The following MTUS2 variants were observed in gnomAD, a reference collection of about 807,000 sequenced individuals.
The protein encoded by MTUS2 is microtubule associated scaffold protein 2.
Under a neutral mutation model 114.1 loss-of-function variants are expected in MTUS2, and 40 were observed. That is an observed-to-expected ratio of 0.35 (90% confidence interval 0.27 to 0.46). MTUS2 has a LOEUF of 0.46. MTUS2 is among the 20% of genes least tolerant of loss of function. The pLI is 1.00. For missense variants in MTUS2, 1,679 were observed against 1,705.4 expected (o/e 0.98, Z 0.27); for synonymous variants, 688 against 672.0 (o/e 1.02, Z -0.37).
chr13:28,912,368 A>G (rs144443382), intron 2 of MTUS2, among the ~76,000 whole-genome samples: 2,412 of 152,202 alleles, frequency 0.016, 58 homozygotes, highest in African/African-American at 0.055. Flanking sequence ...CCATTGATCT[A>G]TGTATCTATT....
At chr13:29,123,486 A>G (rs1164731724) in intron 5 of MTUS2, among the ~76,000 whole-genome samples, 1 of 152,064 alleles carries the variant, frequency 6.6e-6, no homozygotes, top group Non-Finnish European at 1.5e-5. Context: ...GGAGGCCGAG[A>G]ATAGCGGACC....
chr13:29,418,835 GACAAATCC>G (rs1875868233), intron 8 of MTUS2, among the ~76,000 whole-genome samples: 1 of 152,148 alleles, frequency 6.6e-6, no homozygotes, highest in South Asian at 2.1e-4. Flanking sequence ...GGTCTCAAGT[GACAAATCC>G]ACTCTGCCAT....
At chr13:29,122,534 A>G (rs1891353819) in intron 5 of MTUS2, among the ~76,000 whole-genome samples, 1 of 152,154 alleles carries the variant, frequency 6.6e-6, no homozygotes, top group Non-Finnish European at 1.5e-5. Context: ...CCCATGATTC[A>G]GTTACCTCTC....
chr13:29,471,053 T>A (rs775686950), intron 9 of MTUS2, among the ~76,000 whole-genome samples: 9 of 152,186 alleles, frequency 5.9e-5, no homozygotes, highest in Non-Finnish European at 1.2e-4. Context: ...TCTGAAATTT[T>A]GCTTCCTGGC....
intron 5 of MTUS2, among the ~76,000 whole-genome samples, chr13:29,109,277 T>C (rs1199706173): frequency 6.6e-6 from 1 of 152,214 alleles, no homozygotes; most frequent in Non-Finnish European, 1.5e-5. Context: ...ATCCATCACC[T>C]CACATAGTTA....
chr13:29,174,969 C>G (rs1267843120), intron 5 of MTUS2, among the ~76,000 whole-genome samples: 1 of 152,198 alleles, frequency 6.6e-6, no homozygotes. Flanking sequence ...TCAGCCTCTT[C>G]ATGCCTCAAT....
rs192787133 is a variant in MTUS2, at chr13:29,050,585, G to A, written c.2446+16460G>A. On this transcript the variant is annotated intron_variant, in intron 4 of 15. Coordinates refer to ENST00000612955, the MANE Select transcript of MTUS2 (RefSeq NM_001033602.4). Reference sequence around the variant, plus strand: ...ATCCACCTCGGTCACAACCATCAGCGTCATCTTACCCCCCTCTTCACACCC... The same window carrying A: ...ATCCACCTCGGTCACAACCATCAGCATCATCTTACCCCCCTCTTCACACCC... 4.9e-3 allele frequency among the ~76,000 whole-genome samples: 740 copies of A among 152,196 alleles called. 5 individuals carry two copies. The highest frequency in any genetic ancestry group is 7.7e-3 in the South Asian group (37 of 4,822).
At chr13:29,379,653 T>A (rs1223800806) in intron 8 of MTUS2, among the ~76,000 whole-genome samples, 1 of 152,052 alleles carries the variant, frequency 6.6e-6, no homozygotes, top group Non-Finnish European at 1.5e-5. Context: ...CTTACCGTCA[T>A]CATACATGTC....
At chr13:29,283,843 G>T (rs78915448) in intron 6 of MTUS2, among the ~76,000 whole-genome samples, 1 of 152,158 alleles carries the variant, frequency 6.6e-6, no homozygotes, top group African/African-American at 2.4e-5. Flanking sequence ...TAAGAAAAAC[G>T]TAAGGTGAAA....
chr13:29,100,878 C>G lies in MTUS2; in HGVS notation c.2552C>G (p.Ala851Gly), dbSNP rs1890385299. ...YSRLPAAKLAAFGFVRSSSVS... is the reference protein window; with the variant it reads ...YSRLPAAKLAGFGFVRSSSVS... ...CGTCTCCCGGCAGCCAAACTGGCGG[C>G]ATTTGGCTTTGTCCGGAGCTCCAGC... Residue 851 changes from alanine to glycine, a missense_variant, in exon 5 of 16, where the codon GCA becomes GGA. Coordinates refer to ENST00000612955, the MANE Select transcript of MTUS2 (RefSeq NM_001033602.4). The G allele has an allele frequency of 6.4e-7, 1 of 1,561,654 alleles. No individual in the cohort carries two copies. Among genetic ancestry groups the G allele is most frequent in the Non-Finnish European group, 8.7e-7 (1 of 1,152,732 alleles).
Position 29,269,091 on chromosome 13 carries a change from A to G in MTUS2, c.2645-12613A>G, listed in dbSNP as rs78559241. ...AGGAGCAGAACAGTGTCTCAGGAAC[A>G]TGCTCAGTAACTAGTATAATAAAAT... On this transcript the variant is annotated intron_variant, in intron 5 of 15. Transcript: ENST00000612955. Among the ~76,000 whole-genome samples the G allele has an allele frequency of 6.2e-3, 947 of 152,332 alleles. 14 individuals are homozygous for G. The highest frequency in any genetic ancestry group is 0.022 in the African/African-American group (907 of 41,562).
chr13:28,968,604 G>A (rs1883708965), intron 2 of MTUS2, among the ~76,000 whole-genome samples: 2 of 152,206 alleles, frequency 1.3e-5, no homozygotes, highest in Middle Eastern at 3.4e-3. Context: ...TTCAATTTTA[G>A]TGTTTTGCTC....
chr13:29,222,900 A>G (rs934171993), intron 5 of MTUS2, among the ~76,000 whole-genome samples: 2 of 152,216 alleles, frequency 1.3e-5, no homozygotes, highest in African/African-American at 4.8e-5. Flanking sequence ...CACACTCAGG[A>G]CATCACCAAC....
At chr13:28,970,398 C>T (rs1000235179) in intron 2 of MTUS2, among the ~76,000 whole-genome samples, 5 of 152,226 alleles carry the variant, frequency 3.3e-5, no homozygotes, top group Non-Finnish European at 5.9e-5. Flanking sequence ...CACATCTGTC[C>T]TGCCACCTGT....
intron 2 of MTUS2, among the ~76,000 whole-genome samples, chr13:28,888,626 T>C (rs1878734162): frequency 6.6e-6 from 1 of 152,134 alleles, no homozygotes; most frequent in Non-Finnish European, 1.5e-5. Context: ...TTCTCCATGT[T>C]GGTCAGGCTG....
At chr13:29,372,433 T>C (rs1221924710) in intron 8 of MTUS2, among the ~76,000 whole-genome samples, 1 of 152,118 alleles carries the variant, frequency 6.6e-6, no homozygotes, top group Non-Finnish European at 1.5e-5. Context: ...GTTGATTTCT[T>C]GCTGCCCTAA....
chr13:29,462,371 G>C (rs1879559122), intron 9 of MTUS2, among the ~76,000 whole-genome samples: 1 of 152,190 alleles, frequency 6.6e-6, no homozygotes, highest in Admixed American at 6.5e-5. Context: ...GGAGCAACAT[G>C]CTCCATCTAT....
rs142398953 is a variant in MTUS2 at position 29,503,998 on chromosome 13, C to CTCA, written c.*795_*797dup. The CTCA allele has an allele frequency of 0.037, 8,665 of 232,048 alleles. 724 individuals are homozygous for CTCA. Among genetic ancestry groups the CTCA allele is most frequent in the African/African-American group, 0.17 (7,900 of 45,296 alleles). The allele number at this position is 232,048 out of a possible 1,614,324, so 14.4% of individuals were successfully genotyped here. ...TTGCAGATGTTACCCATGACAGTGA[C>CTCA]TCATCTCTGATAGTCTTGTAAACAC... is the stretch of plus-strand genomic sequence containing the variant. On this transcript the variant is annotated 3_prime_UTR_variant, in exon 16 of 16. Coordinates refer to ENST00000612955, the MANE Select transcript of MTUS2 (RefSeq NM_001033602.4).
At chr13:28,981,665 C>T (rs890854683) in intron 2 of MTUS2, among the ~76,000 whole-genome samples, 1 of 152,202 alleles carries the variant, frequency 6.6e-6, no homozygotes, top group African/African-American at 2.4e-5. Flanking sequence ...GGCTTCTCTT[C>T]TGGGCAAGGG....
Sources: allele counts gnomAD v4.1 joint callset (sites outside exome capture counted in the v4.1 genomes callset), GRCh38; gene constraint gnomAD v4.1.1; transcripts MANE v1.5; gene names NCBI Gene and HGNC (gene_info 2026-07-23, HGNC 2026-07-21).